The following CD72 variants were observed in gnomAD, a reference collection of about 807,000 sequenced individuals.
CD72 encodes the protein CD72 molecule, also known as B-cell differentiation antigen CD72.
Under a neutral mutation model 50.7 loss-of-function variants are expected in CD72, and 28 were observed. That is an observed-to-expected ratio of 0.55 (90% CI 0.41 to 0.76). The LOEUF is 0.76. Among genes scored for constraint, CD72 ranks in the 30% least tolerant of loss-of-function variants. CD72 has a pLI of 0.00. For synonymous variants in CD72, 176 were observed against 171.2 expected (o/e 1.03, Z -0.22); for missense variants, 403 against 420.6 (o/e 0.96, Z 0.37).
At chr9:35,616,498 G>A (rs1823065868) in intron 4 of CD72, 102 bp downstream of exon 4, 3 of 1,032,534 alleles carry the variant, frequency 2.9e-6, no homozygotes, top group Non-Finnish European at 4.5e-6. Flanking sequence ...TAAGGAGGTG[G>A]TGGTAGTGAC....
At chr9:35,610,422 T>TA (rs1461796727) in intron 8 of CD72, 122 bp from the exon 9 acceptor site, 2 of 433,400 alleles carry the variant, frequency 4.6e-6, no homozygotes, top group Admixed American at 3.8e-5. Context: ...TTGTAGGCCT[T>TA]ACCTGTCCCT....
intron 8 of CD72, 59 bp downstream of exon 8, chr9:35,610,538 GTCCCT>G: frequency 3.2e-6 from 1 of 312,200 alleles, no homozygotes; most frequent in South Asian, 7.3e-5. Context: ...CCTGCTCTGA[GTCCCT>G]GCTCTGAGTC....
upstream of CD72, among the ~76,000 whole-genome samples, chr9:35,624,446 G>A (rs1823176590): frequency 6.6e-6 from 1 of 151,948 alleles, no homozygotes; most frequent in African/African-American, 2.4e-5. Flanking sequence ...ATGAAAGGAT[G>A]TATAGAGAGC....
intron 1 of CD72, among the ~76,000 whole-genome samples, chr9:35,635,094 T>TA (rs778637220): frequency 6.6e-6 from 1 of 152,236 alleles, no homozygotes; most frequent in Non-Finnish European, 1.5e-5. Context: ...GGGGGTCTTT[T>TA]AACTTTCAGG....
chr9:35,633,835 A>G (rs1823267646), intron 1 of CD72, among the ~76,000 whole-genome samples: 1 of 152,226 alleles, frequency 6.6e-6, no homozygotes, highest in Non-Finnish European at 1.5e-5. Context: ...TGATAAACCC[A>G]TCGTAAAGTC....
chr9:35,616,729 C>T (rs1823070542), intron 3 of CD72, 40 bp from the exon 4 acceptor site: 2 of 1,531,178 alleles, frequency 1.3e-6, no homozygotes, highest in Non-Finnish European at 9.0e-7. Context: ...AGTCAGCCCC[C>T]GTAAAGAATG....
At chr9:35,630,079 G>A (rs923713810) in intron 1 of CD72, among the ~76,000 whole-genome samples, 23 of 130,140 alleles carry the variant, frequency 1.8e-4, no homozygotes, top group African/African-American at 4.1e-4. Context: ...CCCTGTCGCC[G>A]CCCAGGCTGG....
At chr9:35,633,217 C>G (rs1185830403) in intron 1 of CD72, among the ~76,000 whole-genome samples, 2 of 151,542 alleles carry the variant, frequency 1.3e-5, no homozygotes, top group Admixed American at 6.6e-5. Flanking sequence ...GCTGGGATTA[C>G]AGGCATGAGC....
Position 35,642,196 on chromosome 9 carries a change from C to A in CD72, n.408+4207G>T, listed in dbSNP as rs893389682. Among the ~76,000 whole-genome samples the A allele has an allele frequency of 2.0e-5, 3 of 152,202 alleles. No individual in the cohort carries two copies. The South Asian group carries it at 6.2e-4, about 31-fold the overall frequency. On this transcript the variant is annotated intron_variant and non_coding_transcript_variant, in intron 1 of 3. Coordinates refer to the CD72 transcript ENST00000465754. ...CTCTAAAAGGTCCCCTCTAGCGGCA[C>A]TGGTTTGAGCAATTACTTGTTGACA...
intron 1 of CD72, among the ~76,000 whole-genome samples, chr9:35,638,747 T>C (rs920456959): frequency 2.0e-4 from 31 of 151,428 alleles, no homozygotes; most frequent in Non-Finnish European, 4.3e-4. Flanking sequence ...GCTGGCTTCA[T>C]GAGCCAGGCC....
intron 1 of CD72, among the ~76,000 whole-genome samples, chr9:35,626,918 G>A (rs1049696885): frequency 4.7e-5 from 7 of 149,864 alleles, no homozygotes; most frequent in Admixed American, 2.7e-4. Context: ...GTGGCACAAT[G>A]TCAGCTCACT....
chr9:35,632,554 G>T (rs1823255744), intron 1 of CD72, among the ~76,000 whole-genome samples: 1 of 149,320 alleles, frequency 6.7e-6, no homozygotes, highest in South Asian at 2.1e-4. Context: ...CTTTAATTTG[G>T]CTTGCAAGAG....
chr9:35,629,849 T>A (rs1226269286), intron 1 of CD72, among the ~76,000 whole-genome samples: 2 of 152,210 alleles, frequency 1.3e-5, no homozygotes, highest in Non-Finnish European at 2.9e-5. Flanking sequence ...TAAGGAGAGC[T>A]AGATGTTCAG....
chr9:35,637,262 G>A (rs563928436), intron 1 of CD72, among the ~76,000 whole-genome samples: 12 of 152,270 alleles, frequency 7.9e-5, no homozygotes, highest in Admixed American at 2.6e-4. Flanking sequence ...GACTCAGCCC[G>A]CCTGCACCCA....
At chr9:35,628,716 T>C (rs1440894082) in intron 1 of CD72, among the ~76,000 whole-genome samples, 2 of 152,150 alleles carry the variant, frequency 1.3e-5, no homozygotes, top group African/African-American at 4.8e-5. Flanking sequence ...AAAGCAGCTC[T>C]CAAACAAAGA....
intron 1 of CD72, among the ~76,000 whole-genome samples, chr9:35,644,150 T>A (rs565707589): frequency 6.7e-6 from 1 of 149,334 alleles, no homozygotes; most frequent in Non-Finnish European, 1.5e-5. Context: ...TTTGAGACCA[T>A]CCTGGCCAAC....
At chr9:35,643,708 T>C (rs546296521) in intron 1 of CD72, among the ~76,000 whole-genome samples, 1 of 152,212 alleles carries the variant, frequency 6.6e-6, no homozygotes, top group East Asian at 1.9e-4. Context: ...CCGGGCTGGG[T>C]AACTCACGCC....
In CD72 at chr9:35,616,069, A is replaced by G; in HGVS notation, c.562T>C (p.Cys188Arg). The change falls in exon 5 of 9, where the codon TGC becomes CGC. Residue 188 changes from cysteine to arginine, a missense_variant. Physicochemically the swap from Cys to Arg is radical, Grantham distance 180 (BLOSUM62 -3). Coordinates refer to ENST00000259633, the MANE Select transcript of CD72 (RefSeq NM_001782.3). ...HQAAEGQLQA[C>R]QADRQKTKET... is the part of the protein sequence containing the mutation. ...TTCGTCTTCTGTCTGTCTGCCTGGC[A>G]GGCCTGTAGCTGCCCTTCGGCCGCC... is the stretch of plus-strand genomic sequence containing the variant. The G allele has an allele frequency of 6.2e-7, 1 of 1,614,096 alleles. No homozygotes were observed. The highest frequency in any genetic ancestry group is 8.5e-7 in the Non-Finnish European group (1 of 1,180,014).
chr9:35,611,172 ACC>A (rs1822977342), intron 7 of CD72, among the ~76,000 whole-genome samples: 1 of 151,128 alleles, frequency 6.6e-6, no homozygotes, highest in Non-Finnish European at 1.5e-5. Context: ...AATGGTGTGA[ACC>A]CCTGAGGCGG....
Sources: gnomAD v4.1 joint callset for allele counts (sites outside exome capture counted in the v4.1 genomes callset) on GRCh38, gnomAD v4.1.1 for gene constraint, MANE v1.5 for transcripts, NCBI Gene and HGNC (gene_info 2026-07-23, HGNC 2026-07-21) for gene names.